The following SVOPL variants were observed in gnomAD, a reference collection of about 807,000 sequenced individuals.
SVOPL encodes the protein SVOP like, also known as putative transporter SVOPL.
A neutral mutation model predicts 61.0 loss-of-function variants in SVOPL; 60 were observed. The ratio of observed to expected loss-of-function variants is 0.98; its 90% CI spans 0.80 to 1.22. The LOEUF (loss-of-function observed/expected upper bound fraction) is 1.22, where lower values mean the gene tolerates loss of function less well. SVOPL is among the 50% of genes most tolerant of loss of function. The pLI is 0.00. For synonymous variants in SVOPL, 279 were observed against 250.0 expected, an observed-to-expected ratio of 1.12 and a Z score of -1.09; for missense variants, 662 against 643.9, an observed-to-expected ratio of 1.03 and a Z score of -0.30.
At chr7:138,605,902 T>C (rs1339808127) in intron 14 of SVOPL, among the ~76,000 whole-genome samples, 1 of 152,212 alleles carries the variant, frequency 6.6e-6, no homozygotes, top group Non-Finnish European at 1.5e-5. Flanking sequence ...ATCAACCTCT[T>C]GCATGTGCAA....
At chr7:138,657,948 C>T (rs2117064654) in intron 6 of SVOPL, among the ~76,000 whole-genome samples, 1 of 152,296 alleles carries the variant, frequency 6.6e-6, no homozygotes, top group African/African-American at 2.4e-5. Flanking sequence ...TGGACATTGC[C>T]ATGGCATTTG....
chr7:138,676,899 CTTTTTTTTT>C (rs1191279496), intron 3 of SVOPL, among the ~76,000 whole-genome samples: 1 of 112,820 alleles, frequency 8.9e-6, no homozygotes, highest in Admixed American at 9.5e-5. Flanking sequence ...CTTGGGGTTC[CTTTTTTTTT>C]TTTTTTTTTT....
chr7:138,651,968 C>T (rs1307320447), intron 7 of SVOPL, among the ~76,000 whole-genome samples: 2 of 152,064 alleles, frequency 1.3e-5, no homozygotes, highest in South Asian at 2.1e-4. Flanking sequence ...GGCGCAATCA[C>T]GGCTCACTGC....
chr7:138,626,948 T>C (rs1196325122), intron 12 of SVOPL, among the ~76,000 whole-genome samples: 3 of 152,082 alleles, frequency 2.0e-5, no homozygotes, highest in Non-Finnish European at 4.4e-5. Context: ...CTCAGGCCAC[T>C]CCAGGACTGC....
intron 15 of SVOPL, 22 bp from the exon 16 acceptor site, chr7:138,594,643 G>C (rs1798205945): frequency 6.3e-7 from 1 of 1,584,652 alleles, no homozygotes; most frequent in African/African-American, 1.3e-5. Context: ...TTATTTAATA[G>C]ATCAGTAATA....
Position 138,628,153 on chromosome 7 carries a change from C to A in SVOPL, c.1069+5G>T, listed in dbSNP as rs780195529. 1.3e-5 allele frequency: 21 copies of A among 1,614,048 alleles called. No homozygotes were observed. Among genetic ancestry groups the A allele is most frequent in the Non-Finnish European group, 1.6e-5 (19 of 1,180,034 alleles). Reference sequence around the variant, plus strand: ...GAGAGACCCAACACGCAGAGGGACACTTACAAGCAATTTCACCGATGGTGC... The same window carrying A: ...GAGAGACCCAACACGCAGAGGGACAATTACAAGCAATTTCACCGATGGTGC... On this transcript the variant is annotated splice_donor_5th_base_variant and intron_variant, in intron 11 of 15. Coordinates refer to ENST00000674285, the MANE Select transcript of SVOPL (RefSeq NM_001139456.2).
chr7:138,683,877 C>T (rs1802750148), intron 1 of SVOPL, among the ~76,000 whole-genome samples: 1 of 151,606 alleles, frequency 6.6e-6, no homozygotes, highest in African/African-American at 2.4e-5. Context: ...CATGGTGAAA[C>T]CCTGTCTCTA....
chr7:138,675,765 T>G (rs1399929019), intron 3 of SVOPL, among the ~76,000 whole-genome samples: 1 of 152,168 alleles, frequency 6.6e-6, no homozygotes, highest in Non-Finnish European at 1.5e-5. Context: ...CCAACACCAT[T>G]GTTGAGTGGA....
chr7:138,694,984 C>T (rs1803035488), intron 1 of SVOPL, among the ~76,000 whole-genome samples: 1 of 152,148 alleles, frequency 6.6e-6, no homozygotes, highest in Non-Finnish European at 1.5e-5. Context: ...GGTGATCCAC[C>T]CACCTCAGCT....
chr7:138,682,436 C>T (rs1204445549), intron 1 of SVOPL, among the ~76,000 whole-genome samples: 3 of 152,126 alleles, frequency 2.0e-5, no homozygotes, highest in African/African-American at 4.8e-5. Context: ...GCTCTAGCTA[C>T]CAGCTTACAC....
chr7:138,649,346 T>C (rs932960374), intron 7 of SVOPL, among the ~76,000 whole-genome samples: 1 of 152,154 alleles, frequency 6.6e-6, no homozygotes, highest in Non-Finnish European at 1.5e-5. Flanking sequence ...CAGGCTGGAG[T>C]GCAGTGATCC....
intron 1 of SVOPL, chr7:138,689,494 A>AGAAGAAACT (rs202036491): frequency 0.034 from 26,176 of 765,220 alleles, 927 homozygotes; most frequent in South Asian, 0.094. Context: ...AAGATATCCC[A>AGAAGAAACT]GAAGAAACAA....
intron 9 of SVOPL, among the ~76,000 whole-genome samples, chr7:138,642,725 G>A (rs1041411363): frequency 6.6e-6 from 1 of 151,336 alleles, no homozygotes; most frequent in Admixed American, 6.6e-5. Context: ...AGCTACTCAG[G>A]AGGCTGAGGC....
chr7:138,660,151 A>G, intron 5 of SVOPL, 163 bp from the exon 6 acceptor site: 1 of 1,404,792 alleles, frequency 7.1e-7, no homozygotes. Flanking sequence ...CAACAATACA[A>G]TCCATGCCAT....
At chr7:138,686,336 G>A (rs1802811978) in intron 1 of SVOPL, among the ~76,000 whole-genome samples, 1 of 151,228 alleles carries the variant, frequency 6.6e-6, no homozygotes, top group Non-Finnish European at 1.5e-5. Context: ...CCCGGGGGGG[G>A]CGGAGGTTGC....
intron 3 of SVOPL, among the ~76,000 whole-genome samples, chr7:138,674,049 G>C (rs374957487): frequency 3.3e-5 from 5 of 152,066 alleles, no homozygotes; most frequent in Middle Eastern, 3.4e-3. Context: ...TTAGCTGGGC[G>C]TGGTGGCATG....
chr7:138,662,553 G>GA (rs1046062383), intron 5 of SVOPL: 6 of 985,644 alleles, frequency 6.1e-6, no homozygotes, highest in African/African-American at 3.5e-5. Context: ...AAAACCAGAG[G>GA]AAAAAACCTC....
In SVOPL at chr7:138,661,503, A is replaced by G. The variant is rs548601866; in HGVS notation, c.346-1515T>C. The G allele has an allele frequency of 3.1e-4, 308 of 983,642 alleles. 4 individuals are homozygous for G. In the South Asian group the frequency reaches 0.013, roughly 40 times the overall value. 60.9% of individuals were successfully genotyped at this position (983,642 alleles called of 1,614,324 possible). A position where few individuals can be genotyped will look rare whatever the true frequency, so the allele number is the denominator to read the frequency against. ...CGGTCACATTCCCGCACCCATGCCC[A>G]GGGTAATTGTATTTCATTTTGTTTT... On this transcript the variant is annotated intron_variant, in intron 5 of 15. Coordinates refer to ENST00000674285, the MANE Select transcript of SVOPL (RefSeq NM_001139456.2).
chr7:138,632,915 CTT>C (rs1244192150), intron 9 of SVOPL, among the ~76,000 whole-genome samples: 2 of 152,272 alleles, frequency 1.3e-5, no homozygotes, highest in African/African-American at 4.8e-5. Flanking sequence ...TCTGTTAAGA[CTT>C]TTTCTTTTTG....
Sources: gnomAD v4.1 joint callset for allele counts (sites outside exome capture counted in the v4.1 genomes callset) on GRCh38, gnomAD v4.1.1 for gene constraint, MANE v1.5 for transcripts, NCBI Gene and HGNC (gene_info 2026-07-23, HGNC 2026-07-21) for gene names.